The following RPH3AL variants were observed in gnomAD, a reference collection of about 807,000 sequenced individuals.
RPH3AL encodes rab effector Noc2.
A neutral mutation model predicts 43.1 loss-of-function variants in RPH3AL; 38 were observed. The ratio of observed to expected loss-of-function variants is 0.88; its 90% CI spans 0.68 to 1.15. The LOEUF (loss-of-function observed/expected upper bound fraction) is 1.15. Ranked by LOEUF, RPH3AL falls within the 50% of genes most tolerant of loss-of-function variation. The pLI, the probability that RPH3AL is intolerant of heterozygous loss-of-function variation, is 0.00. For missense variants in RPH3AL, 462 were observed against 423.2 expected, an observed-to-expected ratio of 1.09 and a Z score of -0.81; for synonymous variants, 189 against 176.3, an observed-to-expected ratio of 1.07 and a Z score of -0.57.
intron 4 of RPH3AL, among the ~76,000 whole-genome samples, chr17:320,454 A>G (rs1197867266): frequency 2.6e-5 from 4 of 151,818 alleles, no homozygotes; most frequent in Admixed American, 1.3e-4. Context: ...TGGGTAACAT[A>G]GTGAGACCCC....
Position 305,342 on chromosome 17 carries a change from G to A in RPH3AL, c.351+14078C>T, listed in dbSNP as rs559987816. On this transcript the variant is annotated intron_variant, in intron 5 of 9. Transcript: ENST00000331302. Reference sequence around the variant, plus strand: ...CCTCAGCCTGCACCTGCCACACTGCGGAGGCCCCACAGGGACAATCCGGGA... The same window carrying A: ...CCTCAGCCTGCACCTGCCACACTGCAGAGGCCCCACAGGGACAATCCGGGA... 5.9e-5 allele frequency among the ~76,000 whole-genome samples: 9 copies of A among 152,116 alleles called. No individual in the cohort carries two copies. In the South Asian group the frequency reaches 6.2e-4, roughly 11 times the overall value.
At chr17:307,584 G>T (rs74521961) in intron 5 of RPH3AL, among the ~76,000 whole-genome samples, 1 of 152,134 alleles carries the variant, frequency 6.6e-6, no homozygotes, top group Admixed American at 6.5e-5. Context: ...GGCCTGGCAC[G>T]AAGGTGAGCT....
intron 5 of RPH3AL, among the ~76,000 whole-genome samples, chr17:291,739 C>T (rs182236865): frequency 1.3e-5 from 2 of 152,114 alleles, no homozygotes; most frequent in Admixed American, 1.3e-4. Context: ...AGAAAAGTGA[C>T]GAAATGACAA....
At chr17:218,523 C>T (rs1322478884) in intron 8 of RPH3AL, among the ~76,000 whole-genome samples, 1 of 152,264 alleles carries the variant, frequency 6.6e-6, no homozygotes, top group African/African-American at 2.4e-5. Context: ...TATTATGGAG[C>T]CCTTTCTTCT....
intron 8 of RPH3AL, among the ~76,000 whole-genome samples, chr17:217,110 C>G (rs1475015786): frequency 1.5e-5 from 2 of 135,434 alleles, no homozygotes; most frequent in Non-Finnish European, 3.1e-5. Context: ...AAATTGGCCT[C>G]GCTGAAATCA....
At chr17:330,859 G>C (rs907512435) in intron 2 of RPH3AL, 2 of 148,846 alleles carry the variant, frequency 1.3e-5, no homozygotes, top group African/African-American at 4.9e-5. Context: ...CTGGGTGACA[G>C]AGCGAGACAT....
chr17:317,713 A>G (rs1435006757), intron 5 of RPH3AL, among the ~76,000 whole-genome samples: 1 of 152,246 alleles, frequency 6.6e-6, no homozygotes, highest in African/African-American at 2.4e-5. Flanking sequence ...AAAAGAAATG[A>G]GGTAGCTGAA....
In RPH3AL at chr17:213,837, C is replaced by T; in HGVS notation, c.*15G>A. The T allele has an allele frequency of 1.3e-5, 21 of 1,610,704 alleles. No individual in the cohort carries two copies. Among genetic ancestry groups the T allele is most frequent in the Non-Finnish European group, 1.7e-5 (20 of 1,177,712 alleles). On this transcript the variant is annotated 3_prime_UTR_variant, in exon 10 of 10. Transcript: ENST00000331302. Reference sequence around the variant, plus strand: ...GAATCCTCCACAGGGAAGTCTGTTCCAGGCACCAGACACCTCAGCCCAGGC... The same window carrying T: ...GAATCCTCCACAGGGAAGTCTGTTCTAGGCACCAGACACCTCAGCCCAGGC...
chr17:230,237 C>T (rs946952809), intron 7 of RPH3AL, among the ~76,000 whole-genome samples: 29 of 152,200 alleles, frequency 1.9e-4, no homozygotes, highest in African/African-American at 7.0e-4. Context: ...GGCCCAGAGA[C>T]AGACAGGAGG....
rs969862036 is a variant in RPH3AL at position 289,474 on chromosome 17, C to G, written c.352-7620G>C. Among the ~76,000 whole-genome samples, 1 of 152,154 alleles carries G rather than the reference C, an allele frequency of 6.6e-6. No individual in the cohort carries two copies. Among genetic ancestry groups the G allele is most frequent in the South Asian group, 2.1e-4 (1 of 4,830 alleles). The stretch of plus-strand genomic sequence containing the variant: ...CCACCGCCCACGCCCACACCAAGGC[C>G]GCCCAGCAGATCTCTCTACCCCACC... On this transcript the variant is annotated intron_variant, in intron 5 of 9. Coordinates refer to ENST00000331302, the MANE Select transcript of RPH3AL (RefSeq NM_006987.4). The surrounding 1 kb of genome is among the most constrained non-coding windows in gnomAD (Gnocchi z 5.2).
rs555234491 is a variant in RPH3AL, at chr17:239,358, G to C, written c.613+7753C>G. 9.2e-5 allele frequency among the ~76,000 whole-genome samples: 14 copies of C among 152,320 alleles called. No homozygotes were observed. In the South Asian group the frequency reaches 2.9e-3, roughly 32 times the overall value. ...TTCTGGATACACCTAGAAGGAGAAAGAAATCTAATTGCACCAGCTCCAGTT... is the reference window on the plus strand; with the variant it reads ...TTCTGGATACACCTAGAAGGAGAAACAAATCTAATTGCACCAGCTCCAGTT... On this transcript the variant is annotated intron_variant, in intron 7 of 9. Coordinates refer to ENST00000331302, the MANE Select transcript of RPH3AL (RefSeq NM_006987.4).
In RPH3AL at chr17:269,765, G is replaced by A. The variant is rs1156950932; in HGVS notation, c.438+12003C>T. ...TCCTTCGGTGTGCCTGTGTGTGAAC[G>A]ATGAACTCACGGACTGGAGCACTGT... is the stretch of plus-strand genomic sequence containing the variant. On this transcript the variant is annotated intron_variant, in intron 6 of 9. Transcript: ENST00000331302. 3.3e-5 allele frequency among the ~76,000 whole-genome samples: 5 copies of A among 152,206 alleles called. No individual in the cohort carries two copies. In the South Asian group the frequency reaches 6.2e-4, roughly 19 times the overall value.
chr17:232,087 C>T (rs1422416342), intron 7 of RPH3AL, among the ~76,000 whole-genome samples: 3 of 152,164 alleles, frequency 2.0e-5, no homozygotes, highest in African/African-American at 4.8e-5. Context: ...AAAACAAATT[C>T]GTGTGTGTGA....
chr17:257,600 G>A (rs1409512331), intron 6 of RPH3AL, among the ~76,000 whole-genome samples: 15 of 37,944 alleles, frequency 4.0e-4, no homozygotes, highest in South Asian at 1.5e-3. Flanking sequence ...GGAGCTGCAC[G>A]GCGTCTGTCC....
intron 1 of RPH3AL, among the ~76,000 whole-genome samples, chr17:334,979 C>A (rs999656214): frequency 6.6e-6 from 1 of 152,184 alleles, no homozygotes; most frequent in African/African-American, 2.4e-5. Flanking sequence ...TTCACCTCTT[C>A]GATCTTGTTT....
intron 6 of RPH3AL, among the ~76,000 whole-genome samples, chr17:253,398 G>C (rs782012809): frequency 3.4e-4 from 51 of 152,164 alleles, no homozygotes; most frequent in Non-Finnish European, 6.6e-4. Context: ...CTGTGGGGCC[G>C]AGAACCTCAT....
At chr17:241,982 T>C (rs911636961) in intron 7 of RPH3AL, among the ~76,000 whole-genome samples, 3 of 151,978 alleles carry the variant, frequency 2.0e-5, no homozygotes, top group Non-Finnish European at 4.4e-5. Flanking sequence ...CCAGGTTTGG[T>C]GGTATATGCC....
rs2045213052 is a variant in RPH3AL at position 345,189 on chromosome 17, G to C, written c.-213+7523C>G. On this transcript the variant is annotated intron_variant, in intron 1 of 9. Coordinates refer to ENST00000331302, the MANE Select transcript of RPH3AL (RefSeq NM_006987.4). ...AGCTACTTGGGAGGCTGAGGTAGGA[G>C]GGTCACCTGAGCCTGGGGAGGTTAA... 1.5e-5 allele frequency among the ~76,000 whole-genome samples: 2 copies of C among 135,506 alleles called. 1 individual carries two copies. The highest frequency in any genetic ancestry group is 4.8e-4 in the South Asian group (2 of 4,130). 88.9% of individuals were successfully genotyped at this position (135,506 alleles called of 152,430 possible). A position where few individuals can be genotyped will look rare whatever the true frequency, so the allele number is the denominator to read the frequency against.
intron 1 of RPH3AL, among the ~76,000 whole-genome samples, chr17:349,796 C>T (rs1180147727): frequency 3.3e-5 from 5 of 152,158 alleles, no homozygotes; most frequent in Non-Finnish European, 5.9e-5. Context: ...GATTATGCAA[C>T]TCTAGTTTTA....
Sources: allele counts gnomAD v4.1 joint callset (sites outside exome capture counted in the v4.1 genomes callset), GRCh38; gene constraint gnomAD v4.1.1; non-coding constraint Gnocchi (gnomAD v3.1); transcripts MANE v1.5; gene names NCBI Gene and HGNC (gene_info 2026-07-23, HGNC 2026-07-21).